Variants in ZNF236 observed in about 807,000 individuals in gnomAD.
ZNF236 encodes regulated by glucose.
A neutral mutation model predicts 191.2 loss-of-function variants in ZNF236; 50 were observed. The observed-to-expected ratio is 0.26, with a 90% CI of 0.21 to 0.33. The LOEUF is 0.33. Among genes scored for constraint, ZNF236 ranks in the 10% least tolerant of loss-of-function variants. The pLI is 1.00. For missense variants in ZNF236, 1,754 were observed against 2,374.5 expected, an observed-to-expected ratio of 0.74 and a Z score of 5.43; for synonymous variants, 907 against 928.8, an observed-to-expected ratio of 0.98 and a Z score of 0.43.
chr18:76,937,167 A>G lies in ZNF236; in HGVS notation c.4606A>G (p.Thr1536Ala), dbSNP rs1017839427. ...ITLTISELNT[T>A]SGSLPSTTPM... ...TGCCTCTTTTGTAGAACTTAACACT[A>G]CAAGCGGAAGCCTTCCTTCAACAAC... Residue 1536 changes from threonine (T) to alanine (A), a missense_variant, in exon 26 of 31, where the codon ACA becomes GCA. Around this residue, in one of 5 missense-constraint regions of ZNF236, gnomAD observed 606 missense variants for 761.5 expected, o/e 0.80. Coordinates refer to ENST00000320610, the MANE Select transcript of ZNF236 (RefSeq NM_001306089.2). The G allele has an allele frequency of 1.2e-6, 2 of 1,613,850 alleles. No homozygotes were observed. The highest frequency in any genetic ancestry group is 2.7e-5 in the African/African-American group (2 of 74,996).
chr18:76,934,642 A>G (rs1967945786), intron 25 of ZNF236, among the ~76,000 whole-genome samples: 1 of 152,236 alleles, frequency 6.6e-6, no homozygotes, highest in Admixed American at 6.5e-5. Context: ...TAAATAGTTC[A>G]ACAATTTAAC....
rs780131315 is a variant in ZNF236, at chr18:76,875,860, A to G, written c.840+196A>G. 6.6e-6 allele frequency among the ~76,000 whole-genome samples: 1 copy of G among 152,208 alleles called. No individual in the cohort carries two copies. The highest frequency in any genetic ancestry group is 2.4e-5 in the African/African-American group (1 of 41,454). ...ACATGTGGAAGAAATATAAACTACTATCTTTTTTGTCTTCTTGCTGACAGC... is the reference window on the plus strand; with the variant it reads ...ACATGTGGAAGAAATATAAACTACTGTCTTTTTTGTCTTCTTGCTGACAGC... On this transcript the variant is annotated intron_variant, in intron 6 of 30. Transcript: ENST00000320610. This position sits in a 1 kb window ranked among gnomAD's most constrained non-coding sequence, Gnocchi z 4.3.
Position 76,971,989 on chromosome 18 carries a change from G to A in ZNF236, c.*3650G>A, listed in dbSNP as rs1365633898. Among the ~76,000 whole-genome samples the A allele has an allele frequency of 6.6e-6, 1 of 152,204 alleles. No individual in the cohort carries two copies. Among genetic ancestry groups the A allele is most frequent in the Non-Finnish European group, 1.5e-5 (1 of 68,042 alleles). On this transcript the variant is annotated 3_prime_UTR_variant, in exon 31 of 31. Transcript: ENST00000320610. ...CGTTGCGAATGTATCCCTTTTCCAA[G>A]ACCTACTGCATAGGAAGTAAGTGAG...
At position 76,910,765 on chromosome 18, in the gene ZNF236, A is replaced by C; in HGVS notation, c.2759A>C (p.His920Pro). 6.2e-7 allele frequency: 1 copy of C among 1,614,104 alleles called. No individual in the cohort carries two copies. Among genetic ancestry groups the C allele is most frequent in the Non-Finnish European group, 8.5e-7 (1 of 1,180,010 alleles). The change falls in exon 16 of 31, where the codon CAC (histidine) becomes CCC (proline). Residue 920 changes from histidine to proline, a missense_variant. Coordinates refer to ENST00000320610, the MANE Select transcript of ZNF236 (RefSeq NM_001306089.2). The part of the protein sequence containing the change: ...LESQALSTSF[H>P]QQSLLQAPSS... ...TCTCAGGCCCTCTCCACAAGCTTCCACCAGCAGAGCTTGCTGCAGGCTCCC... is the reference window on the plus strand; with the variant it reads ...TCTCAGGCCCTCTCCACAAGCTTCCCCCAGCAGAGCTTGCTGCAGGCTCCC...
chr18:76,967,103 G>C (rs1968793882), intron 30 of ZNF236, among the ~76,000 whole-genome samples: 2 of 66,336 alleles, frequency 3.0e-5, no homozygotes, highest in Non-Finnish European at 3.0e-5. Context: ...TGATTCGTGA[G>C]ATGTGTTATT....
intron 20 of ZNF236, among the ~76,000 whole-genome samples, chr18:76,920,715 C>T (rs569800307): frequency 3.2e-4 from 49 of 152,302 alleles, no homozygotes; most frequent in Non-Finnish European, 6.2e-4. Flanking sequence ...CCTCTGAGGC[C>T]TGCCAGTCAG....
chr18:76,920,126 G>A (rs1967493702), intron 20 of ZNF236, 68 bp downstream of exon 20: 3 of 1,526,156 alleles, frequency 2.0e-6, no homozygotes, highest in South Asian at 1.3e-5. Flanking sequence ...TGCTCCTTTG[G>A]TGATTTTCAC....
chr18:76,945,997 C>A (rs1968251699), intron 26 of ZNF236, among the ~76,000 whole-genome samples: 1 of 152,140 alleles, frequency 6.6e-6, no homozygotes, highest in Non-Finnish European at 1.5e-5. Flanking sequence ...CCACTCTTTC[C>A]CTTAAGAAGT....
At chr18:76,897,382 G>A (rs929713604) in intron 10 of ZNF236, among the ~76,000 whole-genome samples, 1 of 150,024 alleles carries the variant, frequency 6.7e-6, no homozygotes, top group Non-Finnish European at 1.5e-5. Flanking sequence ...AGTACATAGA[G>A]TACCAAACAC....
Position 76,927,970 on chromosome 18 carries a change from G to T in ZNF236, c.4458G>T (p.Val1486=). 1 of 1,613,328 alleles carries T rather than the reference G, an allele frequency of 6.2e-7. No individual in the cohort carries two copies. Among genetic ancestry groups the T allele is most frequent in the Non-Finnish European group, 8.5e-7 (1 of 1,179,662 alleles). Reference sequence around the variant, plus strand: ...AAGTGATGACTTCGCAAGGTCTAGTGTCCCCCTCCGGCGGTCCCCACGAGA... The same window carrying T: ...AAGTGATGACTTCGCAAGGTCTAGTTTCCCCCTCCGGCGGTCCCCACGAGA... The part of the protein sequence containing the change: ...LTQVMTSQGL[V]SPSGGPHEIT... The change falls in exon 25 of 31, where the codon GTG becomes GTT. Residue 1486 remains valine (V), a synonymous_variant. Transcript: ENST00000320610. This position sits in a 1 kb window ranked among gnomAD's most constrained non-coding sequence, Gnocchi z 5.4.
At chr18:76,942,564 T>G (rs1181116630) in intron 26 of ZNF236, among the ~76,000 whole-genome samples, 1 of 151,672 alleles carries the variant, frequency 6.6e-6, no homozygotes, top group Non-Finnish European at 1.5e-5. Flanking sequence ...CAGGCTGGAG[T>G]GCAGTGGCAC....
intron 3 of ZNF236, among the ~76,000 whole-genome samples, chr18:76,865,367 A>AG (rs759917540): frequency 3.3e-5 from 5 of 151,964 alleles, no homozygotes; most frequent in Non-Finnish European, 7.4e-5. Flanking sequence ...AACAAAAAAA[A>AG]CCTCTCATAT....
At position 76,972,029 on chromosome 18, in the gene ZNF236, A is replaced by ATGCGGCG. The variant is rs1165208596; in HGVS notation, c.*3691_*3697dup. Reference sequence around the variant, plus strand: ...AAGTAAGTGAGGCAGAGATGAGATTATGCGGCGGATACTTCTGAAGGAAGC... The same window carrying ATGCGGCG: ...AAGTAAGTGAGGCAGAGATGAGATTATGCGGCGTGCGGCGGATACTTCTGAAGGAAGC... On this transcript the variant is annotated 3_prime_UTR_variant, in exon 31 of 31. Coordinates refer to ENST00000320610, the MANE Select transcript of ZNF236 (RefSeq NM_001306089.2). 6.6e-6 allele frequency among the ~76,000 whole-genome samples: 1 copy of ATGCGGCG among 152,246 alleles called. No individual in the cohort carries two copies. Among genetic ancestry groups the ATGCGGCG allele is most frequent in the South Asian group, 2.1e-4 (1 of 4,828 alleles).
At chr18:76,881,881 T>G (rs1486211494) in intron 9 of ZNF236, among the ~76,000 whole-genome samples, 1 of 152,218 alleles carries the variant, frequency 6.6e-6, no homozygotes, top group African/African-American at 2.4e-5. Flanking sequence ...CTTCTCACCC[T>G]TGGTGCTTCT....
chr18:76,853,617 G>GGGGGA (rs1975948171), intron 3 of ZNF236, among the ~76,000 whole-genome samples: 1 of 152,154 alleles, frequency 6.6e-6, no homozygotes, highest in Admixed American at 6.6e-5. Flanking sequence ...TTGGGGAGCT[G>GGGGGA]TTGGTCAAAG....
Position 76,908,479 on chromosome 18 carries a change from G to A in ZNF236, c.2457G>A (p.Glu819=). 1 of 1,614,160 alleles carries A rather than the reference G, an allele frequency of 6.2e-7. No homozygotes were observed. The highest frequency in any genetic ancestry group is 8.5e-7 in the Non-Finnish European group (1 of 1,180,048). The change falls in exon 14 of 31, where the codon GAG becomes GAA. Residue 819 remains glutamate (E), a synonymous_variant. Coordinates refer to ENST00000320610, the MANE Select transcript of ZNF236 (RefSeq NM_001306089.2). The part of the protein sequence containing the change: ...QTAEVVAANP[E]AMLDLEPQHV... ...CAGAGGTGGTCGCAGCGAACCCCGA[G>A]GCCATGCTGGACCTGGAGCCTCAGC...
chr18:76,904,618 T>G lies in ZNF236; in HGVS notation c.2036+97T>G, dbSNP rs17060040. 8 of 1,161,490 alleles carry G rather than the reference T, an allele frequency of 6.9e-6. No individual in the cohort carries two copies. In the African/African-American group the frequency reaches 1.1e-4, roughly 16 times the overall value. 71.9% of individuals were successfully genotyped at this position (1,161,490 alleles called of 1,614,324 possible). A position where few individuals can be genotyped will look rare whatever the true frequency, so the allele number is the denominator to read the frequency against. ...GTATTTAGGATGGTAGCATTAGCTT[T>G]TGGTATTAAAGATGTCACATTTGAC... On this transcript the variant is annotated intron_variant, in intron 12 of 30. Transcript: ENST00000320610.
At chr18:76,830,419 A>G (rs986866958) in intron 1 of ZNF236, among the ~76,000 whole-genome samples, 2 of 152,014 alleles carry the variant, frequency 1.3e-5, no homozygotes, top group Admixed American at 6.6e-5. Flanking sequence ...TTATGTATTT[A>G]TGGGCCGTAG....
At chr18:76,874,230 G>T (rs1976656301) in intron 5 of ZNF236, among the ~76,000 whole-genome samples, 1 of 152,164 alleles carries the variant, frequency 6.6e-6, no homozygotes, top group South Asian at 2.1e-4. Context: ...TACCATTTGT[G>T]TACTGTCCCC....
Sources: allele counts gnomAD v4.1 joint callset (sites outside exome capture counted in the v4.1 genomes callset), GRCh38; gene constraint gnomAD v4.1.1; regional missense constraint gnomAD v4.1.1; non-coding constraint Gnocchi (gnomAD v3.1); transcripts MANE v1.5; gene names NCBI Gene and HGNC (gene_info 2026-07-23, HGNC 2026-07-21).